The following ZFPM2 variants were observed in gnomAD, a reference collection of about 807,000 sequenced individuals.
ZFPM2 encodes the protein zinc finger protein, FOG family member 2, also known as zinc finger protein ZFPM2.
A neutral mutation model predicts 98.6 loss-of-function variants in ZFPM2; 20 were observed. The observed-to-expected ratio is 0.20, with a 90% confidence interval of 0.14 to 0.29. ZFPM2 has a LOEUF of 0.29. Among genes scored for constraint, ZFPM2 ranks in the 10% least tolerant of loss-of-function variants. ZFPM2 has a pLI of 1.00. For synonymous variants in ZFPM2, 518 were observed against 502.7 expected (o/e 1.03, Z -0.41); for missense variants, 1,310 against 1,388.6 (o/e 0.94, Z 0.90).
intron 1 of ZFPM2, among the ~76,000 whole-genome samples, chr8:105,336,489 A>AT (rs1244307519): frequency 6.6e-6 from 1 of 151,694 alleles, no homozygotes; most frequent in Non-Finnish European, 1.5e-5. Flanking sequence ...TAAATGAAGT[A>AT]TTTTTTGGTA....
intron 3 of ZFPM2, among the ~76,000 whole-genome samples, chr8:105,558,036 C>T (rs1815039795): frequency 6.7e-6 from 1 of 150,046 alleles, no homozygotes; most frequent in African/African-American, 2.5e-5. Context: ...TTATTTGAGG[C>T]CGTTCAGCTG....
At chr8:105,621,041 A>C (rs144702715) in intron 4 of ZFPM2, among the ~76,000 whole-genome samples, 9,215 of 152,214 alleles carry the variant, frequency 0.061, 378 homozygotes, top group East Asian at 0.11. Context: ...TGAAATTTAA[A>C]GTAGTTTTCT....
At position 105,455,049 on chromosome 8, in the gene ZFPM2, A is replaced by C. The variant is rs115274297; in HGVS notation, c.301+10668A>C. On this transcript the variant is annotated intron_variant, in intron 3 of 7. Coordinates refer to ENST00000407775, the MANE Select transcript of ZFPM2 (RefSeq NM_012082.4). ...TTGAGCATCTCAAATCTGAAAATTC[A>C]AAATCCAAAATGCTGAGTGCTGACA... 9.9e-3 allele frequency among the ~76,000 whole-genome samples: 1,515 copies of C among 152,320 alleles called. 33 individuals are homozygous for C. The highest frequency in any genetic ancestry group is 0.035 in the African/African-American group (1,442 of 41,572).
At chr8:105,359,860 T>A (rs1214501182) in intron 1 of ZFPM2, among the ~76,000 whole-genome samples, 1 of 152,202 alleles carries the variant, frequency 6.6e-6, no homozygotes, top group Non-Finnish European at 1.5e-5. Context: ...CATCTGTTTT[T>A]CTGAATGAAC....
At chr8:105,580,834 T>TAC (rs551747258) in intron 4 of ZFPM2, among the ~76,000 whole-genome samples, 76 of 147,652 alleles carry the variant, frequency 5.1e-4, no homozygotes, top group Middle Eastern at 3.6e-3. Flanking sequence ...TCTCTATATA[T>TAC]ATATATATAT....
chr8:105,460,826 C>CT (rs1282423064), intron 3 of ZFPM2, among the ~76,000 whole-genome samples: 1 of 151,738 alleles, frequency 6.6e-6, no homozygotes, highest in Non-Finnish European at 1.5e-5. Context: ...TGAAAAAATA[C>CT]TTTAACTATT....
At position 105,444,321 on chromosome 8, in the gene ZFPM2, G is replaced by A. The variant is rs888264289; in HGVS notation, c.241G>A (p.Asp81Asn). ...CCAGGAGACAGCAGAATCAGATGGG[G>A]ACACACAGTCAGAGAAACCGGGGCA... is the stretch of plus-strand genomic sequence containing the variant. ...GIQETAESDG[D>N]TQSEKPGQPG... Residue 81 changes from aspartate (D) to asparagine (N), a missense_variant, in exon 3 of 8, where the codon GAC becomes AAC. Coordinates refer to ENST00000407775, the MANE Select transcript of ZFPM2 (RefSeq NM_012082.4). The A allele has an allele frequency of 1.2e-5, 19 of 1,612,328 alleles. No individual in the cohort carries two copies. The highest frequency in any genetic ancestry group is 4.0e-5 in the African/African-American group (3 of 74,926).
intron 3 of ZFPM2, among the ~76,000 whole-genome samples, chr8:105,474,254 A>G (rs142760598): frequency 0.021 from 3,210 of 152,316 alleles, 55 homozygotes; most frequent in Middle Eastern, 0.044. Context: ...ATGGGAATGT[A>G]TTATGAGTCA....
chr8:105,657,391 G>A (rs1446914058), intron 5 of ZFPM2, among the ~76,000 whole-genome samples: 1 of 152,056 alleles, frequency 6.6e-6, no homozygotes, highest in African/African-American at 2.4e-5. Context: ...CATCCGCCTC[G>A]GCCTCCCAAA....
At chr8:105,327,153 A>T (rs1282334811) in intron 1 of ZFPM2, among the ~76,000 whole-genome samples, 1 of 151,390 alleles carries the variant, frequency 6.6e-6, no homozygotes, top group African/African-American at 2.4e-5. Context: ...AGAAAAAAAG[A>T]TTTTTTAGCT....
chr8:105,383,534 A>AT (rs1209385583), intron 1 of ZFPM2, among the ~76,000 whole-genome samples: 1 of 152,160 alleles, frequency 6.6e-6, no homozygotes, highest in African/African-American at 2.4e-5. Context: ...TACTTTTCTC[A>AT]TATCTGAAAT....
intron 4 of ZFPM2, among the ~76,000 whole-genome samples, chr8:105,619,367 G>A (rs966367036): frequency 6.6e-6 from 1 of 151,842 alleles, no homozygotes; most frequent in Non-Finnish European, 1.5e-5. Context: ...ATGTCATTTA[G>A]ATATTTTTAT....
intron 4 of ZFPM2, among the ~76,000 whole-genome samples, chr8:105,611,688 T>C (rs1816309780): frequency 6.6e-6 from 1 of 150,748 alleles, no homozygotes; most frequent in Non-Finnish European, 1.5e-5. Flanking sequence ...TTTAACAAAT[T>C]AACAAAAAAA....
At chr8:105,644,123 C>A (rs1483140224) in intron 5 of ZFPM2, among the ~76,000 whole-genome samples, 1 of 152,070 alleles carries the variant, frequency 6.6e-6, no homozygotes, top group African/African-American at 2.4e-5. Flanking sequence ...ATATGATCTG[C>A]TCTTGGATGC....
At chr8:105,558,129 A>G (rs1248690204) in intron 3 of ZFPM2, among the ~76,000 whole-genome samples, 1 of 151,944 alleles carries the variant, frequency 6.6e-6, no homozygotes, top group Non-Finnish European at 1.5e-5. Flanking sequence ...TAATTTTTGG[A>G]AAAAAAATAA....
chr8:105,606,168 G>A (rs1393772657), intron 4 of ZFPM2, among the ~76,000 whole-genome samples: 1 of 152,030 alleles, frequency 6.6e-6, no homozygotes, highest in African/African-American at 2.4e-5. Context: ...GTGTTTGTGT[G>A]TATGTGTGCA....
intron 5 of ZFPM2, among the ~76,000 whole-genome samples, chr8:105,767,069 C>T (rs1269724164): frequency 6.6e-6 from 1 of 151,778 alleles, no homozygotes; most frequent in Non-Finnish European, 1.5e-5. Flanking sequence ...AATTTGAATG[C>T]CAGTCAAAGA....
rs1455260290 is a variant in ZFPM2, at chr8:105,787,996, C to A, written c.533-722C>A. 3.9e-5 allele frequency among the ~76,000 whole-genome samples: 6 copies of A among 152,262 alleles called. No homozygotes were observed. The South Asian group carries it at 8.3e-4, about 21-fold the overall frequency. ...TATCTCAGTGTTTGAAGAGACATTT[C>A]TTTTCATCTAAACAAATCTTTATTT... is the stretch of plus-strand genomic sequence containing the variant. On this transcript the variant is annotated intron_variant, in intron 5 of 7. Coordinates refer to ENST00000407775, the MANE Select transcript of ZFPM2 (RefSeq NM_012082.4).
At chr8:105,392,480 T>G (rs571474802) in intron 1 of ZFPM2, among the ~76,000 whole-genome samples, 1 of 152,276 alleles carries the variant, frequency 6.6e-6, no homozygotes, top group African/African-American at 2.4e-5. Flanking sequence ...GCACATATAC[T>G]TGTAAAATGT....
Sources: gnomAD v4.1 joint callset for allele counts (sites outside exome capture counted in the v4.1 genomes callset) on GRCh38, gnomAD v4.1.1 for gene constraint, MANE v1.5 for transcripts, NCBI Gene and HGNC (gene_info 2026-07-23, HGNC 2026-07-21) for gene names.